Variants in NCOA2 observed in about 807,000 individuals in gnomAD.
The protein encoded by NCOA2 is class E basic helix-loop-helix protein 75.
Under a neutral mutation model 145.1 loss-of-function variants are expected in NCOA2, and 21 were observed. The observed-to-expected ratio is 0.14, with a 90% CI of 0.10 to 0.21. The LOEUF is 0.21. Among genes scored for constraint, NCOA2 ranks in the 10% least tolerant of loss-of-function variants. The probability of loss-of-function intolerance (pLI) is 1.00; values close to 1 mark genes in which losing one functional copy is unlikely to be tolerated. For missense variants in NCOA2, 1,472 were observed against 1,837.6 expected (o/e 0.80, Z 3.64); for synonymous variants, 619 against 637.5 (o/e 0.97, Z 0.44).
intron 1 of NCOA2, among the ~76,000 whole-genome samples, chr8:70,333,939 G>T (rs1459032180): frequency 6.6e-6 from 1 of 151,822 alleles, no homozygotes; most frequent in Non-Finnish European, 1.5e-5. Context: ...TCTACTTCAG[G>T]TTAATCCTCT....
chr8:70,397,461 GAAA>G (rs11347613), intron 1 of NCOA2, among the ~76,000 whole-genome samples: 6,650 of 107,036 alleles, frequency 0.062, 248 homozygotes, highest in East Asian at 0.18. Flanking sequence ...TCAAAAAAAG[GAAA>G]AAAAAAAAAA....
chr8:70,326,884 TTTAAAAAA>T (rs1296001500), intron 1 of NCOA2, among the ~76,000 whole-genome samples: 1 of 152,200 alleles, frequency 6.6e-6, no homozygotes, highest in Non-Finnish European at 1.5e-5. Flanking sequence ...GAAACAGTCT[TTTAAAAAA>T]TTAAAGGCCT....
At position 70,123,978 on chromosome 8, in the gene NCOA2, C is replaced by T; in HGVS notation, c.4199G>A (p.Gly1400Asp). 1.2e-6 allele frequency: 2 copies of T among 1,614,000 alleles called. No individual in the cohort carries two copies. Among genetic ancestry groups the T allele is most frequent in the Non-Finnish European group, 1.7e-6 (2 of 1,179,874 alleles). Residue 1400 changes from glycine to aspartate, a missense_variant, in exon 21 of 23, where the codon GGC becomes GAC. Around this residue, in one of 4 missense-constraint regions of NCOA2, gnomAD observed 232 missense variants for 290.6 expected, o/e 0.80. Transcript: ENST00000452400. The stretch of plus-strand genomic sequence containing the variant: ...TGTCATCTGGTTCATGCTGCTCATG[C>T]CACCTGTGTTGGTCGCCATGGACAC... ...INVSMATNTG[G>D]MSSMNQMTGQ...
the NCOA2 span, among the ~76,000 whole-genome samples, chr8:70,423,594 C>CT: frequency 6.6e-6 from 1 of 152,084 alleles, no homozygotes; most frequent in African/African-American, 2.4e-5. Context: ...GTAATTTGTC[C>CT]TTTTTGGAGG....
chr8:70,451,527 C>T, the NCOA2 span, among the ~76,000 whole-genome samples: 172 of 151,706 alleles, frequency 1.1e-3, no homozygotes, highest in Middle Eastern at 3.5e-3. Context: ...ATAATGTGTG[C>T]GTTTCTTCTG....
chr8:70,250,833 T>C (rs548139272), intron 2 of NCOA2, among the ~76,000 whole-genome samples: 1 of 152,344 alleles, frequency 6.6e-6, no homozygotes, highest in East Asian at 1.9e-4. Flanking sequence ...GTAATATTAA[T>C]TTGTAAACCC....
At chr8:70,278,267 T>C (rs1367036737) in intron 2 of NCOA2, among the ~76,000 whole-genome samples, 2 of 152,234 alleles carry the variant, frequency 1.3e-5, no homozygotes, top group African/African-American at 4.8e-5. Flanking sequence ...CCAAATAATA[T>C]TCCACTGAAG....
chr8:70,190,243 A>G (rs1368676538), intron 4 of NCOA2, among the ~76,000 whole-genome samples: 2 of 152,208 alleles, frequency 1.3e-5, no homozygotes, highest in Non-Finnish European at 2.9e-5. Context: ...GAATAAAAAG[A>G]AATCTGTTAA....
At chr8:70,118,947 G>C (rs749407173) in intron 22 of NCOA2, among the ~76,000 whole-genome samples, 2 of 151,966 alleles carry the variant, frequency 1.3e-5, no homozygotes, top group African/African-American at 2.4e-5. Context: ...CTCAGCCTCC[G>C]AAAGTGTTGG....
At position 70,249,977 on chromosome 8, in the gene NCOA2, A is replaced by AAAAAAAAGAAG. The variant is rs751876043; in HGVS notation, c.-19-33214_-19-33213insCTTCTTTTTTT. On this transcript the variant is annotated intron_variant, in intron 2 of 22. Coordinates refer to ENST00000452400, the MANE Select transcript of NCOA2 (RefSeq NM_006540.4). ...GAATCTGCCTCCAAAAAAAAAAAAA[A>AAAAAAAAGAAG]AAGAAGAAGAAGAAGAAGAAGAAGA... 6.2e-3 allele frequency among the ~76,000 whole-genome samples: 857 copies of AAAAAAAAGAAG among 137,820 alleles called. 6 individuals are homozygous for AAAAAAAAGAAG. Among genetic ancestry groups the AAAAAAAAGAAG allele is most frequent in the Non-Finnish European group, 9.7e-3 (623 of 64,296 alleles). The allele number at this position is 137,820 out of a possible 152,430, so 90.4% of individuals were successfully genotyped here.
chr8:70,119,259 T>C (rs1344161686), intron 22 of NCOA2, among the ~76,000 whole-genome samples: 5 of 152,220 alleles, frequency 3.3e-5, no homozygotes, highest in Non-Finnish European at 2.9e-5. Context: ...CACTCTCTAC[T>C]TCCATGTGAA....
intron 1 of NCOA2, among the ~76,000 whole-genome samples, chr8:70,380,704 G>A (rs1812110188): frequency 6.6e-6 from 1 of 151,662 alleles, no homozygotes; most frequent in Non-Finnish European, 1.5e-5. Flanking sequence ...AATTTTCAAG[G>A]ACTATACAGC....
At chr8:70,364,823 AG>A (rs1810534580) in intron 1 of NCOA2, among the ~76,000 whole-genome samples, 1 of 146,824 alleles carries the variant, frequency 6.8e-6, no homozygotes, top group Non-Finnish European at 1.5e-5. Flanking sequence ...TAAAGTAAAA[AG>A]GTTTGTTTTT....
intron 2 of NCOA2, among the ~76,000 whole-genome samples, chr8:70,229,016 C>G (rs1820908325): frequency 6.6e-6 from 1 of 152,080 alleles, no homozygotes; most frequent in African/African-American, 2.4e-5. Context: ...GTTTCTGAAC[C>G]AAGAGCAGTG....
At chr8:70,273,579 A>G in intron 2 of NCOA2, 2 of 757,988 alleles carry the variant, frequency 2.6e-6, no homozygotes, top group Middle Eastern at 3.9e-4. Context: ...ATCCACTTTA[A>G]CAACCCTAAA....
the NCOA2 span, among the ~76,000 whole-genome samples, chr8:70,448,540 T>C: frequency 6.6e-6 from 1 of 152,168 alleles, no homozygotes; most frequent in Admixed American, 6.5e-5. Flanking sequence ...TTGGCAAAGG[T>C]AGAAATTGGC....
rs572532960 is a variant in NCOA2, at chr8:70,288,080, T to TACCCGTCTTTAA, written c.-20+8652_-20+8663dup. Among the ~76,000 whole-genome samples the TACCCGTCTTTAA allele has an allele frequency of 2.6e-5, 4 of 152,302 alleles. No individual in the cohort carries two copies. In the South Asian group the frequency reaches 8.3e-4, roughly 32 times the overall value. ...TATTTAACTTCTCAGTGCCTTTGTC[T>TACCCGTCTTTAA]ACCCGTCTTTAAAATAGGATCATAA... On this transcript the variant is annotated intron_variant, in intron 2 of 22. Coordinates refer to ENST00000452400, the MANE Select transcript of NCOA2 (RefSeq NM_006540.4).
chr8:70,311,119 AG>A (rs1194693805), intron 1 of NCOA2, among the ~76,000 whole-genome samples: 2 of 151,990 alleles, frequency 1.3e-5, no homozygotes, highest in African/African-American at 4.8e-5. Context: ...TTTATTTCCT[AG>A]TTTTTTTTTA....
At chr8:70,312,436 A>C (rs1805209966) in intron 1 of NCOA2, among the ~76,000 whole-genome samples, 1 of 152,194 alleles carries the variant, frequency 6.6e-6, no homozygotes, top group Non-Finnish European at 1.5e-5. Context: ...TAAGATTTGG[A>C]ATATTTGTAG....
Sources: allele counts gnomAD v4.1 joint callset (sites outside exome capture counted in the v4.1 genomes callset), GRCh38; gene constraint gnomAD v4.1.1; regional missense constraint gnomAD v4.1.1; transcripts MANE v1.5; gene names NCBI Gene and HGNC (gene_info 2026-07-23, HGNC 2026-07-21).